Variants in TSEN2 observed in about 807,000 individuals in gnomAD.
TSEN2 encodes tRNA-splicing endonuclease subunit Sen2.
A neutral mutation model predicts 59.2 loss-of-function variants in TSEN2; 54 were observed. The ratio of observed to expected loss-of-function variants is 0.91; its 90% CI spans 0.73 to 1.14. The LOEUF (loss-of-function observed/expected upper bound fraction) is 1.14. Ranked by LOEUF, TSEN2 falls within the 50% of genes most tolerant of loss-of-function variation. The pLI, the probability that TSEN2 is intolerant of heterozygous loss-of-function variation, is 0.00. For synonymous variants in TSEN2, 195 were observed against 198.2 expected (o/e 0.98, Z 0.14); for missense variants, 636 against 576.2 (o/e 1.10, Z -1.06).
chr3:12,481,302 AT>A (rs1192336932), upstream of TSEN2, among the ~76,000 whole-genome samples: 7 of 152,334 alleles, frequency 4.6e-5, no homozygotes, highest in African/African-American at 1.4e-4. Context: ...GCTAAAACTT[AT>A]TGGTAACATC....
intron 10 of TSEN2, 56 bp from the exon 11 acceptor site, chr3:12,531,514 C>A: frequency 8.0e-7 from 1 of 1,242,782 alleles, no homozygotes; most frequent in Non-Finnish European, 1.2e-6. Flanking sequence ...GCTGATGCAC[C>A]CAAATTTGTA....
At chr3:12,508,820 G>T (rs1185651362) in intron 6 of TSEN2, among the ~76,000 whole-genome samples, 1 of 152,140 alleles carries the variant, frequency 6.6e-6, no homozygotes, top group Non-Finnish European at 1.5e-5. Context: ...CAGTGGACAC[G>T]CACACACGCA....
upstream of TSEN2, among the ~76,000 whole-genome samples, chr3:12,484,083 T>A (rs1047473665): frequency 6.6e-6 from 1 of 152,240 alleles, no homozygotes; most frequent in African/African-American, 2.4e-5. Context: ...GCTGTGATCC[T>A]CTTTCTACAT....
rs1456023940 is a variant in TSEN2 at position 12,513,754 on chromosome 3, GA to G, written c.910-2852del. On this transcript the variant is annotated intron_variant, in intron 6 of 11. Transcript: ENST00000284995. ...GTACCTTTTGGCTGGTAGTCCATCTGAAAAACAGCAGTATTCTGTATTAATA... is the reference window on the plus strand; with the variant it reads ...GTACCTTTTGGCTGGTAGTCCATCTGAAAACAGCAGTATTCTGTATTAATA... Among the ~76,000 whole-genome samples, 4 of 152,298 alleles carry G rather than the reference GA, an allele frequency of 2.6e-5. No homozygotes were observed. The South Asian group carries it at 6.2e-4, about 24-fold the overall frequency.
chr3:12,536,673 G>C (rs1351239158), downstream of TSEN2, among the ~76,000 whole-genome samples: 1 of 152,070 alleles, frequency 6.6e-6, no homozygotes, highest in South Asian at 2.1e-4. Context: ...CTTTATTAGG[G>C]GCAAAACCTA....
At position 12,519,251 on chromosome 3, in the gene TSEN2, C is replaced by A; in HGVS notation, c.1099+54C>A. On this transcript the variant is annotated intron_variant, in intron 8 of 11. Transcript: ENST00000284995. ...AGAATAGAGTTTATATCAGATTCAC[C>A]CTAGAATATCAAATTGATCTTGTGT... The A allele has an allele frequency of 2.5e-6, 4 of 1,603,688 alleles. No individual in the cohort carries two copies. The South Asian group carries it at 4.4e-5, about 18-fold the overall frequency.
chr3:12,481,941 A>G (rs1205528299), upstream of TSEN2, among the ~76,000 whole-genome samples: 9 of 147,502 alleles, frequency 6.1e-5, no homozygotes, highest in Admixed American at 2.7e-4. Context: ...ATATATATAT[A>G]TGTAGATGCA....
chr3:12,516,491 C>G, intron 6 of TSEN2, 120 bp from the exon 7 acceptor site: 1 of 559,178 alleles, frequency 1.8e-6, no homozygotes, highest in Non-Finnish European at 3.3e-6. Flanking sequence ...TGTGTGTGAC[C>G]TTTTTGATGA....
In TSEN2 at chr3:12,519,126, A is replaced by G; in HGVS notation, c.1028A>G (p.Tyr343Cys). The part of the protein sequence containing the change: ...TVVQPTFRTT[Y>C]MAYHYFRSKG... ...GTTCAGCCCACGTTCAGAACCACCT[A>G]CATGGCCTACCATTACTTTCGAAGC... The change falls in exon 8 of 12, where the codon TAC (tyrosine) becomes TGC (cysteine). Residue 343 changes from tyrosine (Y) to cysteine (C), a missense_variant. Physicochemically the swap from Tyr to Cys is radical, Grantham distance 194. Coordinates refer to ENST00000284995, the MANE Select transcript of TSEN2 (RefSeq NM_025265.4). The G allele has an allele frequency of 2.5e-6, 4 of 1,614,242 alleles. No homozygotes were observed. Among genetic ancestry groups the G allele is most frequent in the Non-Finnish European group, 3.4e-6 (4 of 1,180,026 alleles).
At chr3:12,486,270 C>T (rs2052605056) in intron 1 of TSEN2, among the ~76,000 whole-genome samples, 1 of 152,234 alleles carries the variant, frequency 6.6e-6, no homozygotes, top group Non-Finnish European at 1.5e-5. Context: ...TGCCGCGACA[C>T]TAAAGAACCT....
At chr3:12,539,542 A>C (rs555296661) in exon 11 of TSEN2, 1 of 165,160 alleles carries the variant, frequency 6.1e-6, no homozygotes, top group Non-Finnish European at 1.3e-5. Flanking sequence ...CTGTATGCAC[A>C]TTGGAAGGTG....
At chr3:12,507,668 T>C (rs1275840480) in intron 6 of TSEN2, among the ~76,000 whole-genome samples, 2 of 152,232 alleles carry the variant, frequency 1.3e-5, no homozygotes, top group African/African-American at 4.8e-5. Context: ...AAGTAGAATG[T>C]GACTTTGGTC....
intron 1 of TSEN2, among the ~76,000 whole-genome samples, chr3:12,487,218 C>T (rs571168410): frequency 1.3e-5 from 2 of 152,290 alleles, no homozygotes; most frequent in African/African-American, 4.8e-5. Context: ...GGAAGGCCTA[C>T]TGCGAGCCAA....
intron 6 of TSEN2, chr3:12,505,445 C>T (rs2054709577): frequency 1.9e-6 from 1 of 539,452 alleles, no homozygotes; most frequent in South Asian, 2.2e-5. Context: ...TGCAATCATT[C>T]CACAGAAGAT....
chr3:12,526,958 C>T (rs1302240680), intron 8 of TSEN2, among the ~76,000 whole-genome samples: 1 of 152,162 alleles, frequency 6.6e-6, no homozygotes, highest in Non-Finnish European at 1.5e-5. Flanking sequence ...CTCAATTTCC[C>T]CTGATGTCTT....
At chr3:12,526,144 G>A (rs116103391) in intron 8 of TSEN2, among the ~76,000 whole-genome samples, 1,931 of 151,996 alleles carry the variant, frequency 0.013, 45 homozygotes, top group African/African-American at 0.043. Context: ...TTCAAGACCA[G>A]CCTGGGCAAC....
chr3:12,502,854 G>A (rs923027174), intron 4 of TSEN2, among the ~76,000 whole-genome samples: 4 of 151,784 alleles, frequency 2.6e-5, no homozygotes, highest in African/African-American at 9.7e-5. Context: ...CGGGCGGATC[G>A]TGAGGTCAGG....
At chr3:12,525,426 G>A (rs1401457774) in intron 8 of TSEN2, among the ~76,000 whole-genome samples, 1 of 152,114 alleles carries the variant, frequency 6.6e-6, no homozygotes, top group African/African-American at 2.4e-5. Context: ...TATAATAGTT[G>A]TCTGATTTAA....
intron 8 of TSEN2, among the ~76,000 whole-genome samples, chr3:12,521,315 G>A (rs772764566): frequency 1.2e-4 from 18 of 152,196 alleles, no homozygotes; most frequent in African/African-American, 1.7e-4. Flanking sequence ...CTAGGGGGAT[G>A]GGGGAGACAC....
Sources: gnomAD v4.1 joint callset for allele counts (sites outside exome capture counted in the v4.1 genomes callset) on GRCh38, gnomAD v4.1.1 for gene constraint, MANE v1.5 for transcripts, NCBI Gene and HGNC (gene_info 2026-07-23, HGNC 2026-07-21) for gene names.